KCNH1: variants seen among roughly 807,000 people sequenced by gnomAD.
The protein encoded by KCNH1 is voltage-gated delayed rectifier potassium channel KCNH1.
A neutral mutation model predicts 69.2 loss-of-function variants in KCNH1; 27 were observed. The observed-to-expected ratio is 0.39, with a 90% CI of 0.29 to 0.54. KCNH1 has a LOEUF of 0.54. Among genes scored for constraint, KCNH1 ranks in the 20% least tolerant of loss-of-function variants. The pLI is 0.68. For missense variants in KCNH1, 798 were observed against 1,261.6 expected (o/e 0.63, Z 5.57); for synonymous variants, 456 against 487.7 (o/e 0.93, Z 0.86).
intron 6 of KCNH1, among the ~76,000 whole-genome samples, chr1:210,947,303 C>G (rs977342888): frequency 6.6e-6 from 1 of 152,148 alleles, no homozygotes; most frequent in Non-Finnish European, 1.5e-5. Flanking sequence ...GGCGCGGTGG[C>G]TCATGCCTGT....
chr1:210,779,888 A>G (rs1334106520), intron 9 of KCNH1, among the ~76,000 whole-genome samples: 1 of 152,224 alleles, frequency 6.6e-6, no homozygotes. Context: ...TGGGGTACCA[A>G]TGTAGGACTG....
intron 5 of KCNH1, among the ~76,000 whole-genome samples, chr1:211,067,619 A>G (rs1169702063): frequency 6.6e-6 from 1 of 152,180 alleles, no homozygotes; most frequent in East Asian, 1.9e-4. Context: ...TAACTTATGC[A>G]GTGACATAAG....
At chr1:211,071,500 G>C (rs1370218203) in intron 5 of KCNH1, among the ~76,000 whole-genome samples, 2 of 152,174 alleles carry the variant, frequency 1.3e-5, no homozygotes, top group African/African-American at 2.4e-5. Flanking sequence ...ACAGGAAGTT[G>C]CTACAAAACT....
intron 5 of KCNH1, among the ~76,000 whole-genome samples, chr1:211,043,688 T>G (rs373721968): frequency 1.8e-4 from 27 of 152,252 alleles, no homozygotes; most frequent in African/African-American, 5.8e-4. Context: ...GCAAAACTCC[T>G]TAACAAAATA....
intron 7 of KCNH1, among the ~76,000 whole-genome samples, chr1:210,837,827 G>T (rs1439465682): frequency 6.6e-6 from 1 of 152,144 alleles, no homozygotes; most frequent in Non-Finnish European, 1.5e-5. Flanking sequence ...AGGGTTAAAT[G>T]AACTATCACC....
At chr1:210,861,612 T>C (rs978930909) in intron 7 of KCNH1, 2 of 770,776 alleles carry the variant, frequency 2.6e-6, no homozygotes, top group Admixed American at 1.7e-5. Flanking sequence ...TCCAGTGGTA[T>C]AGAGTATAGA....
At chr1:210,907,149 G>C (rs938833218) in intron 7 of KCNH1, among the ~76,000 whole-genome samples, 1 of 152,122 alleles carries the variant, frequency 6.6e-6, no homozygotes, top group Non-Finnish European at 1.5e-5. Context: ...GATGCAAAAA[G>C]GCTGAAACTT....
intron 6 of KCNH1, among the ~76,000 whole-genome samples, chr1:210,996,816 T>A (rs1689051837): frequency 6.6e-6 from 1 of 152,196 alleles, no homozygotes; most frequent in South Asian, 2.1e-4. Context: ...CAGCAGCATT[T>A]GCGGTTCACC....
intron 7 of KCNH1, among the ~76,000 whole-genome samples, chr1:210,894,429 T>C (rs879805812): frequency 6.6e-6 from 1 of 152,202 alleles, no homozygotes; most frequent in East Asian, 1.9e-4. Flanking sequence ...CACTGTTTTT[T>C]AATAATCCTT....
chr1:210,714,579 T>TAATC (rs765531904), intron 10 of KCNH1, among the ~76,000 whole-genome samples: 3 of 152,186 alleles, frequency 2.0e-5, no homozygotes, highest in Non-Finnish European at 2.9e-5. Flanking sequence ...ATGTGCAGCA[T>TAATC]AATCATAAAT....
intron 7 of KCNH1, among the ~76,000 whole-genome samples, chr1:210,833,018 T>G (rs1312646456): frequency 6.6e-6 from 1 of 151,476 alleles, no homozygotes; most frequent in African/African-American, 2.4e-5. Context: ...CCTAAACATT[T>G]AGCTTTAAGT....
At chr1:210,907,829 C>A (rs2102544999) in intron 7 of KCNH1, among the ~76,000 whole-genome samples, 1 of 152,298 alleles carries the variant, frequency 6.6e-6, no homozygotes, top group African/African-American at 2.4e-5. Flanking sequence ...GGTGGAAGAA[C>A]AAGCACCTAT....
chr1:210,900,568 A>G (rs1211635269), intron 7 of KCNH1, among the ~76,000 whole-genome samples: 1 of 152,182 alleles, frequency 6.6e-6, no homozygotes, highest in Non-Finnish European at 1.5e-5. Context: ...CTCTGGGCAT[A>G]GGCAGGGAAA....
At chr1:210,935,576 A>G (rs1415683777) in intron 6 of KCNH1, among the ~76,000 whole-genome samples, 2 of 152,224 alleles carry the variant, frequency 1.3e-5, no homozygotes, top group Non-Finnish European at 2.9e-5. Flanking sequence ...ACCAGTACAC[A>G]TTATATTACA....
chr1:210,868,940 C>T (rs925490963), intron 7 of KCNH1, among the ~76,000 whole-genome samples: 1 of 152,184 alleles, frequency 6.6e-6, no homozygotes, highest in Non-Finnish European at 1.5e-5. Context: ...GAAGAACTTG[C>T]ATTTTAAGTC....
chr1:210,724,478 A>C (rs1682543704), intron 10 of KCNH1, among the ~76,000 whole-genome samples: 1 of 152,202 alleles, frequency 6.6e-6, no homozygotes, highest in Admixed American at 6.5e-5. Flanking sequence ...CCAGAGATTT[A>C]AGTAAATATT....
At position 210,683,846 on chromosome 1, in the gene KCNH1, G is replaced by A. The variant is rs779293740; in HGVS notation, c.2405C>T (p.Ala802Val). 3.1e-6 allele frequency: 5 copies of A among 1,613,944 alleles called. No individual in the cohort carries two copies. Among genetic ancestry groups the A allele is most frequent in the Non-Finnish European group, 4.2e-6 (5 of 1,180,044 alleles). Residue 802 changes from alanine to valine, a missense_variant, in exon 11 of 11, where the codon GCA becomes GTA. By Grantham distance (64) the Ala-to-Val change is moderately conservative (BLOSUM62 0). Around this residue, in one of 4 missense-constraint regions of KCNH1, gnomAD observed 331 missense variants for 363.2 expected, o/e 0.91. Transcript: ENST00000271751. The surrounding 1 kb of genome is among the most constrained non-coding windows in gnomAD (Gnocchi z 5.7). ...GTCTGGCACCCCGGAGGTGGAGGCT[G>A]CCTGGAAGGATACGGGCGTGGCAGG... ...ESPATPVSFQAASTSGVPDHA... is the reference protein window; with the variant it reads ...ESPATPVSFQVASTSGVPDHA...
intron 5 of KCNH1, among the ~76,000 whole-genome samples, chr1:211,078,917 C>CAAAAAAAAAAAAAAA (rs769981174): frequency 2.4e-5 from 2 of 83,058 alleles, no homozygotes; most frequent in African/African-American, 4.9e-5. Context: ...GACTCCGTCT[C>CAAAAAAAAAAAAAAA]AAAAAAAAAA....
chr1:211,107,511 A>G (rs1286180110), intron 1 of KCNH1, 134 bp from the exon 2 acceptor site: 10 of 881,062 alleles, frequency 1.1e-5, no homozygotes, highest in Non-Finnish European at 1.7e-5. Flanking sequence ...TTGAACAGAA[A>G]TGTCGCCCTG....
Sources: allele counts gnomAD v4.1 joint callset (sites outside exome capture counted in the v4.1 genomes callset), GRCh38; gene constraint gnomAD v4.1.1; regional missense constraint gnomAD v4.1.1; non-coding constraint Gnocchi (gnomAD v3.1); transcripts MANE v1.5; gene names NCBI Gene and HGNC (gene_info 2026-07-23, HGNC 2026-07-21).